Variants in ELOVL2 observed in about 807,000 individuals in gnomAD.
ELOVL2 encodes the protein ELOVL fatty acid elongase 2.
ELOVL2 carries 38 observed loss-of-function variants against 37.7 expected under a neutral mutation model. That is an observed-to-expected ratio of 1.01 (90% CI 0.78 to 1.32). ELOVL2 has a LOEUF of 1.32. ELOVL2 is among the 40% of genes most tolerant of loss of function. The probability of loss-of-function intolerance (pLI) is 0.00; values close to 1 mark genes in which losing one functional copy is unlikely to be tolerated. For missense variants in ELOVL2, 352 were observed against 363.6 expected, an observed-to-expected ratio of 0.97 and a Z score of 0.26; for synonymous variants, 115 against 122.3, an observed-to-expected ratio of 0.94 and a Z score of 0.40.
At chr6:11,039,640 T>C (rs1783070458) in intron 1 of ELOVL2, among the ~76,000 whole-genome samples, 1 of 152,222 alleles carries the variant, frequency 6.6e-6, no homozygotes, top group Admixed American at 6.5e-5. Flanking sequence ...ATAATTTCTC[T>C]ACTGTACTAC....
intron 1 of ELOVL2, among the ~76,000 whole-genome samples, chr6:11,021,877 C>T (rs539450674): frequency 7.2e-5 from 11 of 152,242 alleles, no homozygotes; most frequent in Admixed American, 4.6e-4. Flanking sequence ...CCCCTTTGTG[C>T]GAGAACCTGA....
chr6:11,013,678 G>A (rs954684602), intron 1 of ELOVL2, among the ~76,000 whole-genome samples: 1 of 152,062 alleles, frequency 6.6e-6, no homozygotes, highest in African/African-American at 2.4e-5. Context: ...AGAGGAGGAG[G>A]ACACACAGAA....
At chr6:10,986,469 G>A (rs1268574215) in intron 7 of ELOVL2, among the ~76,000 whole-genome samples, 1 of 151,904 alleles carries the variant, frequency 6.6e-6, no homozygotes, top group African/African-American at 2.4e-5. Flanking sequence ...CATTCAGTAT[G>A]ATATTGGCTG....
chr6:11,032,040 G>C (rs1782937221), intron 1 of ELOVL2, among the ~76,000 whole-genome samples: 1 of 152,106 alleles, frequency 6.6e-6, no homozygotes, highest in African/African-American at 2.4e-5. Context: ...GCAAACCACA[G>C]ATGTTTTCCT....
chr6:11,033,304 T>C (rs2113562037), intron 1 of ELOVL2, among the ~76,000 whole-genome samples: 1 of 152,358 alleles, frequency 6.6e-6, no homozygotes, highest in African/African-American at 2.4e-5. Context: ...CTTTTCCTCA[T>C]TATTTCCAAC....
intron 1 of ELOVL2, among the ~76,000 whole-genome samples, chr6:11,043,178 A>G (rs1451694772): frequency 6.6e-6 from 1 of 152,114 alleles, no homozygotes; most frequent in African/African-American, 2.4e-5. Flanking sequence ...TGGAGTGGGG[A>G]AGAGAAAGGA....
intron 1 of ELOVL2, among the ~76,000 whole-genome samples, chr6:11,042,400 C>CT (rs55829449): frequency 0.2 from 30,640 of 151,996 alleles, 4,323 homozygotes; most frequent in East Asian, 0.63. Context: ...CTGAGAAATA[C>CT]TTATCTAAAC....
intron 1 of ELOVL2, among the ~76,000 whole-genome samples, chr6:11,031,968 CAG>C (rs1782936110): frequency 6.6e-6 from 1 of 152,230 alleles, no homozygotes; most frequent in African/African-American, 2.4e-5. Context: ...ATATCTGCAC[CAG>C]ACTTTCTCTT....
chr6:10,991,987 T>C (rs749181676), intron 5 of ELOVL2, among the ~76,000 whole-genome samples: 3 of 152,246 alleles, frequency 2.0e-5, no homozygotes, highest in Non-Finnish European at 4.4e-5. Context: ...TTTACAGGAC[T>C]ATGTCTGTAC....
At chr6:10,994,549 TAAA>T (rs976563982) in intron 5 of ELOVL2, among the ~76,000 whole-genome samples, 1 of 152,146 alleles carries the variant, frequency 6.6e-6, no homozygotes, top group African/African-American at 2.4e-5. Flanking sequence ...ATTCTGTTTT[TAAA>T]AAATGGAAAA....
intron 1 of ELOVL2, among the ~76,000 whole-genome samples, chr6:11,020,490 G>C (rs1782750376): frequency 6.6e-6 from 1 of 152,178 alleles, no homozygotes; most frequent in South Asian, 2.1e-4. Context: ...CAAAACATCA[G>C]TAAAGCCAGT....
Position 10,989,851 on chromosome 6 carries a change from A to T in ELOVL2, c.631-14T>A, listed in dbSNP as rs1429413352. ...CACGAACTGCACCTGGGGACGGCAG[A>T]GAGGGCATCTCTGTGAGCGAGCCAG... On this transcript the variant is annotated splice_polypyrimidine_tract_variant and intron_variant, in intron 6 of 7. Coordinates refer to ENST00000354666, the MANE Select transcript of ELOVL2 (RefSeq NM_017770.4). 6.2e-7 allele frequency: 1 copy of T among 1,613,974 alleles called. No individual in the cohort carries two copies. The highest frequency in any genetic ancestry group is 1.1e-5 in the South Asian group (1 of 91,058).
intron 1 of ELOVL2, among the ~76,000 whole-genome samples, chr6:11,019,346 C>G (rs976325756): frequency 6.6e-6 from 1 of 152,084 alleles, no homozygotes; most frequent in South Asian, 2.1e-4. Context: ...AATTTTGGCA[C>G]CTTTATTCAG....
intron 2 of ELOVL2, among the ~76,000 whole-genome samples, chr6:11,006,417 T>C (rs949551143): frequency 2.6e-5 from 4 of 152,264 alleles, no homozygotes; most frequent in Non-Finnish European, 5.9e-5. Flanking sequence ...AAATGATTTG[T>C]GTTCTCTATT....
chr6:11,024,923 T>C (rs1273016466), intron 1 of ELOVL2, among the ~76,000 whole-genome samples: 1 of 152,232 alleles, frequency 6.6e-6, no homozygotes, highest in East Asian at 1.9e-4. Context: ...AAACTGTTTC[T>C]TTCTGAAACT....
At chr6:10,994,009 T>C (rs1150556) in intron 5 of ELOVL2, among the ~76,000 whole-genome samples, 2,834 of 110,836 alleles carry the variant, frequency 0.026, 77 homozygotes, top group African/African-American at 0.08. Context: ...TGCCCAGCCC[T>C]ACCAAAAAAA....
intron 7 of ELOVL2, among the ~76,000 whole-genome samples, chr6:10,984,649 T>C (rs1231085623): frequency 2.6e-5 from 4 of 150,972 alleles, no homozygotes; most frequent in African/African-American, 9.8e-5. Flanking sequence ...CTGAGAATGA[T>C]GATTTCCAAT....
chr6:11,038,183 T>C (rs1310073262), intron 1 of ELOVL2, among the ~76,000 whole-genome samples: 2 of 152,184 alleles, frequency 1.3e-5, no homozygotes, highest in African/African-American at 2.4e-5. Flanking sequence ...AGTTTTTTTG[T>C]GAGGCTTCAG....
At chr6:11,017,116 T>A (rs572193172) in intron 1 of ELOVL2, among the ~76,000 whole-genome samples, 1 of 152,318 alleles carries the variant, frequency 6.6e-6, no homozygotes, top group Admixed American at 6.5e-5. Flanking sequence ...TTCTAAGGAA[T>A]CTGAGGATCA....
Sources: gnomAD v4.1 joint callset for allele counts (sites outside exome capture counted in the v4.1 genomes callset) on GRCh38, gnomAD v4.1.1 for gene constraint, MANE v1.5 for transcripts, NCBI Gene and HGNC (gene_info 2026-07-23, HGNC 2026-07-21) for gene names.